FBXL18: variants seen among roughly 807,000 people sequenced by gnomAD.
FBXL18 encodes F-box and leucine rich repeat protein 18.
FBXL18 carries 36 observed loss-of-function variants against 46.0 expected under a neutral mutation model. That is an observed-to-expected ratio of 0.78 (90% CI 0.60 to 1.03). The LOEUF (loss-of-function observed/expected upper bound fraction) is 1.03, where lower values mean the gene tolerates loss of function less well. Ranked by LOEUF, FBXL18 falls within the 50% of genes least tolerant of loss-of-function variation. The probability of loss-of-function intolerance (pLI) is 0.00; values close to 1 mark genes in which losing one functional copy is unlikely to be tolerated. For missense variants in FBXL18, 977 were observed against 1,004.1 expected (o/e 0.97, Z 0.36); for synonymous variants, 557 against 465.3 (o/e 1.20, Z -2.54).
intron 4 of FBXL18, among the ~76,000 whole-genome samples, chr7:5,456,336 G>A (rs1471730982): frequency 2.0e-5 from 3 of 152,220 alleles, no homozygotes; most frequent in African/African-American, 7.2e-5. Flanking sequence ...CCCTTCCCAA[G>A]GCAGTGAGCT....
At chr7:5,488,117 G>A (rs976444424) in intron 4 of FBXL18, among the ~76,000 whole-genome samples, 5 of 152,240 alleles carry the variant, frequency 3.3e-5, no homozygotes, top group Admixed American at 6.5e-5. Context: ...CCGTCCAACC[G>A]GGGAACGCAA....
chr7:5,482,503 C>T (rs1273849914), intron 4 of FBXL18, among the ~76,000 whole-genome samples: 2 of 150,338 alleles, frequency 1.3e-5, no homozygotes, highest in Non-Finnish European at 3.0e-5. Context: ...GACCCCCCCC[C>T]AATGCCCCCA....
In FBXL18 at chr7:5,478,707, C is replaced by T. The variant is rs111256514; in HGVS notation, c.*3068G>A. The T allele has an allele frequency of 0.022, 3,406 of 152,550 alleles. 145 individuals are homozygous for T. The highest frequency in any genetic ancestry group is 0.077 in the African/African-American group (3,198 of 41,522). 9.4% of individuals were successfully genotyped at this position (152,550 alleles called of 1,614,324 possible). On this transcript the variant is annotated 3_prime_UTR_variant, in exon 5 of 5. Coordinates refer to ENST00000382368, the MANE Select transcript of FBXL18 (RefSeq NM_024963.6). ...AAGACGTGACTCACACACACATGCACACACAGGGCACAGGTACACGAAGGC... is the reference window on the plus strand; with the variant it reads ...AAGACGTGACTCACACACACATGCATACACAGGGCACAGGTACACGAAGGC...
At chr7:5,485,774 G>A (rs1046407242) in intron 4 of FBXL18, among the ~76,000 whole-genome samples, 6 of 152,046 alleles carry the variant, frequency 3.9e-5, no homozygotes, top group East Asian at 1.9e-4. Flanking sequence ...GGGTGTGGCC[G>A]GGCGCGGTGG....
intron 2 of FBXL18, among the ~76,000 whole-genome samples, chr7:5,503,613 G>A (rs1309537188): frequency 2.0e-5 from 3 of 151,600 alleles, no homozygotes; most frequent in Non-Finnish European, 2.9e-5. Context: ...ACCTGCCTCA[G>A]CCTCCCAAAA....
At chr7:5,513,618 C>T in intron 1 of FBXL18, 39 bp downstream of exon 1, 2 of 1,610,938 alleles carry the variant, frequency 1.2e-6, no homozygotes, top group Non-Finnish European at 1.7e-6. Flanking sequence ...ACCGAGGCCG[C>T]CGAGGCAGAA....
chr7:5,481,721 A>G lies in FBXL18; in HGVS notation c.*54T>C, dbSNP rs1783650350. 1 of 1,592,154 alleles carries G rather than the reference A, an allele frequency of 6.3e-7. No individual in the cohort carries two copies. The highest frequency in any genetic ancestry group is 8.6e-7 in the Non-Finnish European group (1 of 1,166,010). On this transcript the variant is annotated 3_prime_UTR_variant, in exon 5 of 5. Transcript: ENST00000382368. Reference sequence around the variant, plus strand: ...ACAAACCAAGGGTCCCTGGCGTCCCAGGCTCCTGCAGCTTCTCGAGGTGAC... The same window carrying G: ...ACAAACCAAGGGTCCCTGGCGTCCCGGGCTCCTGCAGCTTCTCGAGGTGAC...
At position 5,475,957 on chromosome 7, in the gene FBXL18, G is replaced by A. The variant is rs1407702781; in HGVS notation, c.*5818C>T. ...GGGCAGGTCAGCGGGACGGGGACAGGGAGGTTGGTCATCGAAAGGCAGGTG... is the reference window on the plus strand; with the variant it reads ...GGGCAGGTCAGCGGGACGGGGACAGAGAGGTTGGTCATCGAAAGGCAGGTG... On this transcript the variant is annotated 3_prime_UTR_variant, in exon 5 of 5. Transcript: ENST00000382368. This position sits in a 1 kb window ranked among gnomAD's most constrained non-coding sequence, Gnocchi z 4.2. The A allele has an allele frequency of 1.3e-5, 2 of 152,290 alleles. No individual in the cohort carries two copies. Among genetic ancestry groups the A allele is most frequent in the East Asian group, 3.9e-4 (2 of 5,192 alleles). The allele number at this position is 152,290 out of a possible 1,614,324, so 9.4% of individuals were successfully genotyped here.
intron 4 of FBXL18, among the ~76,000 whole-genome samples, chr7:5,463,694 C>CTATATATATATATATATATA (rs1439946097): frequency 1.6e-4 from 10 of 61,484 alleles, no homozygotes; most frequent in Non-Finnish European, 2.0e-4. Flanking sequence ...TGCCCCTGAA[C>CTATATATATATATATATATA]TATATATATA....
chr7:5,490,006 ACAC>A, intron 4 of FBXL18: 1 of 1,301,954 alleles, frequency 7.7e-7, no homozygotes, highest in Non-Finnish European at 1.0e-6. Flanking sequence ...TACTCTATAA[ACAC>A]AAGTTGTTTT....
intron 4 of FBXL18, chr7:5,489,579 G>A (rs1783861435): frequency 4.0e-6 from 1 of 249,676 alleles, no homozygotes; most frequent in Non-Finnish European, 8.0e-6. Flanking sequence ...GACCATCCTG[G>A]CCAACACAGT....
intron 4 of FBXL18, among the ~76,000 whole-genome samples, chr7:5,468,174 G>A (rs1000168022): frequency 2.6e-4 from 40 of 151,666 alleles, no homozygotes; most frequent in Admixed American, 1.8e-3. Flanking sequence ...TAGTAGAGAC[G>A]GGGTTTCACC....
intron 2 of FBXL18, among the ~76,000 whole-genome samples, chr7:5,504,233 C>T (rs1269602681): frequency 2.0e-5 from 3 of 150,926 alleles, no homozygotes; most frequent in African/African-American, 7.4e-5. Flanking sequence ...AGTTCAAGAC[C>T]AGCCTGGCCA....
At chr7:5,490,760 T>C (rs1404126065) in intron 4 of FBXL18, among the ~76,000 whole-genome samples, 1 of 152,012 alleles carries the variant, frequency 6.6e-6, no homozygotes, top group African/African-American at 2.4e-5. Context: ...AGGTCGGGAG[T>C]TCGAGACCAG....
intron 4 of FBXL18, chr7:5,490,161 T>C: frequency 2.9e-6 from 4 of 1,356,578 alleles, no homozygotes; most frequent in Non-Finnish European, 3.0e-6. Context: ...CTGATGGCTC[T>C]TCTCGCAACT....
Position 5,455,907 on chromosome 7 carries a change from T to C in FBXL18, c.2001-8064A>G, listed in dbSNP as rs1221690800. ...CTCTGCCCCATGCGGGACTCTCTCA[T>C]GGGCCGTGCTGGCTCCAGCATCGCA... is the stretch of plus-strand genomic sequence containing the variant. On this transcript the variant is annotated intron_variant and NMD_transcript_variant, in intron 4 of 6. Coordinates refer to the FBXL18 transcript ENST00000415009. The surrounding 1 kb of genome is among the most constrained non-coding windows in gnomAD (Gnocchi z 4.6). Among the ~76,000 whole-genome samples the C allele has an allele frequency of 4.9e-4, 74 of 152,112 alleles. 2 individuals carry two copies. The highest frequency in any genetic ancestry group is 1.5e-5 in the Non-Finnish European group (1 of 68,010).
rs1783614717 is a variant in FBXL18 at position 5,480,544 on chromosome 7, A to ATTT, written c.*1230_*1231insAAA. The ATTT allele has an allele frequency of 1.6e-5, 1 of 61,918 alleles. No homozygotes were observed. The highest frequency in any genetic ancestry group is 4.1e-4 in the East Asian group (1 of 2,418). The allele number at this position is 61,918 out of a possible 1,614,324, so 3.8% of individuals were successfully genotyped here. On this transcript the variant is annotated 3_prime_UTR_variant, in exon 5 of 5. Coordinates refer to ENST00000382368, the MANE Select transcript of FBXL18 (RefSeq NM_024963.6). Reference sequence around the variant, plus strand: ...GTGTGTTGAATATATATATATATATATATATTTTTTTTTTTTTTTTTTTTT... The same window carrying ATTT: ...GTGTGTTGAATATATATATATATATATTTTATATTTTTTTTTTTTTTTTTTTTT...
At position 5,500,802 on chromosome 7, in the gene FBXL18, C is replaced by A; in HGVS notation, c.1467G>T (p.Glu489Asp). The change falls in exon 3 of 5, where the codon GAG becomes GAT. Residue 489 changes from glutamate to aspartate, a missense_variant. Glu to Asp is a conservative substitution (Grantham distance 45, BLOSUM62 2). Coordinates refer to ENST00000382368, the MANE Select transcript of FBXL18 (RefSeq NM_024963.6). ...LKNLPFLEHL[E>D]LIGSNFSSAM... is the part of the protein sequence containing the mutation. ...CGGAGGAGAAGTTGGACCCAATCAG[C>A]TCGAGGTGTTCCAGGAAGGGCAGGT... 6.2e-7 allele frequency: 1 copy of A among 1,612,636 alleles called. No homozygotes were observed. The highest frequency in any genetic ancestry group is 8.5e-7 in the Non-Finnish European group (1 of 1,179,756).
In FBXL18 at chr7:5,481,782, C is replaced by A; in HGVS notation, c.2150G>T (p.Trp717Leu). ...SRVAEEPPNL[W>L]W is the part of the protein sequence containing the mutation. Reference sequence around the variant, plus strand: ...GGGCGGCGGCTCCGCCTCTCACCACCACAGGTTCGGCGGTTCCTCGGCCAC... The same window carrying A: ...GGGCGGCGGCTCCGCCTCTCACCACAACAGGTTCGGCGGTTCCTCGGCCAC... Residue 717 changes from tryptophan to leucine, a missense_variant, in exon 5 of 5, where the codon TGG (tryptophan) becomes TTG (leucine). Coordinates refer to ENST00000382368, the MANE Select transcript of FBXL18 (RefSeq NM_024963.6). The A allele has an allele frequency of 1.2e-6, 2 of 1,613,556 alleles. No homozygotes were observed. Among genetic ancestry groups the A allele is most frequent in the South Asian group, 2.2e-5 (2 of 91,082 alleles).
Sources: gnomAD v4.1 joint callset for allele counts (sites outside exome capture counted in the v4.1 genomes callset) on GRCh38, gnomAD v4.1.1 for gene constraint, Gnocchi (gnomAD v3.1) non-coding constraint, MANE v1.5 for transcripts, NCBI Gene and HGNC (gene_info 2026-07-23, HGNC 2026-07-21) for gene names.